GABPB1: variants seen among roughly 807,000 people sequenced by gnomAD.
GABPB1 encodes GA-binding protein subunit beta-1.
In GABPB1, 15 loss-of-function variants were observed where a neutral mutation model predicts 45.9. The observed-to-expected ratio is 0.33, with a 90% CI of 0.22 to 0.50. The LOEUF is 0.50. GABPB1 is among the 20% of genes least tolerant of loss of function. The pLI is 0.98. For synonymous variants in GABPB1, 143 were observed against 154.4 expected, an observed-to-expected ratio of 0.93 and a Z score of 0.55; for missense variants, 252 against 457.5, an observed-to-expected ratio of 0.55 and a Z score of 4.10.
At chr15:50,328,142 ATGTGTGTT>A (rs2047833741) in intron 1 of GABPB1, among the ~76,000 whole-genome samples, 1 of 151,920 alleles carries the variant, frequency 6.6e-6, no homozygotes, top group African/African-American at 2.4e-5. Context: ...TATACTGTAT[ATGTGTGTT>A]TGTGTGTTTG....
At chr15:50,289,338 C>T in intron 7 of GABPB1, 145 bp downstream of exon 7, 1 of 556,272 alleles carries the variant, frequency 1.8e-6, no homozygotes, top group Non-Finnish European at 3.0e-6. Flanking sequence ...TAACTCAAGG[C>T]AAAAATACAT....
At chr15:50,350,731 C>CAG in intron 1 of GABPB1, 2 of 152,190 alleles carry the variant, frequency 1.3e-5, no homozygotes, top group South Asian at 4.2e-4. Context: ...TGTCAGTGAA[C>CAG]AGGAACAGCC....
intron 1 of GABPB1, among the ~76,000 whole-genome samples, chr15:50,311,832 T>C (rs58035812): frequency 0.069 from 10,531 of 152,128 alleles, 615 homozygotes; most frequent in East Asian, 0.2. Context: ...GGGGTAATTA[T>C]AAGAAAAGCT....
chr15:50,286,759 T>C (rs971443487), intron 7 of GABPB1, among the ~76,000 whole-genome samples: 2 of 152,202 alleles, frequency 1.3e-5, no homozygotes, highest in African/African-American at 4.8e-5. Flanking sequence ...ACATTGCTTG[T>C]TTTTGTATTG....
At chr15:50,354,130 T>G (rs1354399905) in intron 1 of GABPB1, 3 of 304,466 alleles carry the variant, frequency 9.9e-6, no homozygotes, top group Non-Finnish European at 1.9e-5. Context: ...GCACGCTGAT[T>G]CAACACACTT....
chr15:50,290,850 CA>C (rs776927938), intron 6 of GABPB1, among the ~76,000 whole-genome samples: 4 of 152,166 alleles, frequency 2.6e-5, no homozygotes, highest in Non-Finnish European at 5.9e-5. Flanking sequence ...TCTGGCAGCT[CA>C]AGCAGCACCT....
intron 8 of GABPB1, among the ~76,000 whole-genome samples, chr15:50,281,063 A>G (rs564928739): frequency 1.3e-5 from 2 of 152,338 alleles, no homozygotes; most frequent in Admixed American, 1.3e-4. Flanking sequence ...AAAAATGAAA[A>G]GATAGTTTCC....
chr15:50,346,491 G>GT (rs1404596159), intron 1 of GABPB1: 3 of 151,896 alleles, frequency 2.0e-5, no homozygotes, highest in African/African-American at 7.3e-5. Flanking sequence ...AGTGCAGACT[G>GT]TATCTAGTGC....
At chr15:50,346,790 C>CT (rs796246086) in intron 1 of GABPB1, among the ~76,000 whole-genome samples, 15,743 of 133,284 alleles carry the variant, frequency 0.12, 2,120 homozygotes, top group African/African-American at 0.31. Context: ...TGTCTGGAGT[C>CT]TTTTTTTTTT....
intron 8 of GABPB1, chr15:50,285,810 T>G: frequency 2.4e-6 from 3 of 1,265,840 alleles, no homozygotes; most frequent in Non-Finnish European, 3.0e-6. Context: ...AAGGATGAAG[T>G]GGAAGAACCA....
intron 8 of GABPB1, among the ~76,000 whole-genome samples, chr15:50,281,380 T>C (rs957164825): frequency 1.7e-4 from 12 of 70,998 alleles, no homozygotes; most frequent in Admixed American, 5.3e-4. Flanking sequence ...CTCAGCTAAT[T>C]TTTTGTATTT....
chr15:50,336,217 G>C (rs745946476), intron 1 of GABPB1, among the ~76,000 whole-genome samples: 37 of 151,986 alleles, frequency 2.4e-4, no homozygotes, highest in South Asian at 4.2e-4. Flanking sequence ...GCCAGGCATG[G>C]GGGCAAGTGC....
intron 6 of GABPB1, 36 bp from the exon 7 acceptor site, chr15:50,289,704 G>GT (rs1463445224): frequency 3.3e-6 from 5 of 1,513,674 alleles, no homozygotes; most frequent in Non-Finnish European, 4.5e-6. Context: ...GCAAACATAT[G>GT]TAACGGTATG....
intron 1 of GABPB1, chr15:50,350,723 T>A (rs1299425521): frequency 6.6e-6 from 1 of 152,104 alleles, no homozygotes; most frequent in Non-Finnish European, 1.5e-5. Flanking sequence ...CCCCAATTTG[T>A]CAGTGAACAG....
chr15:50,334,163 T>G (rs553819813), intron 1 of GABPB1, among the ~76,000 whole-genome samples: 1 of 152,332 alleles, frequency 6.6e-6, no homozygotes, highest in South Asian at 2.1e-4. Context: ...TGTTTAGGTG[T>G]GGACTTACTA....
chr15:50,284,759 C>T (rs1034437509), intron 8 of GABPB1, among the ~76,000 whole-genome samples: 2 of 151,964 alleles, frequency 1.3e-5, no homozygotes, highest in South Asian at 4.2e-4. Flanking sequence ...AATTTTTTTA[C>T]CTTATGTGTC....
rs191059000 is a variant in GABPB1, at chr15:50,304,315, C to A, written c.109-182G>T. 2.2e-4 allele frequency among the ~76,000 whole-genome samples: 33 copies of A among 152,334 alleles called. No homozygotes were observed. The highest frequency in any genetic ancestry group is 1.7e-3 in the East Asian group (9 of 5,186). ...ACATCTTGAAGAATTCCCAAACACT[C>A]TCAATGAAGAAGAAAATCCAGTATT... On this transcript the variant is annotated intron_variant, in intron 2 of 8. Coordinates refer to ENST00000380877, the MANE Select transcript of GABPB1 (RefSeq NM_016654.5).
At chr15:50,352,559 C>T (rs2048883019) in intron 1 of GABPB1, 1 of 152,220 alleles carries the variant, frequency 6.6e-6, no homozygotes, top group Admixed American at 6.5e-5. Flanking sequence ...TGGTCTCAAA[C>T]TCTTGACCTC....
intron 2 of GABPB1, among the ~76,000 whole-genome samples, chr15:50,306,189 T>G (rs1422846626): frequency 1.3e-5 from 2 of 152,078 alleles, no homozygotes; most frequent in Admixed American, 1.3e-4. Context: ...ATGCTGGTCT[T>G]GAACTTCTGG....
Sources: allele counts gnomAD v4.1 joint callset (sites outside exome capture counted in the v4.1 genomes callset), GRCh38; gene constraint gnomAD v4.1.1; transcripts MANE v1.5; gene names NCBI Gene and HGNC (gene_info 2026-07-23, HGNC 2026-07-21).